The following LPGAT1 variants were observed in gnomAD, a reference collection of about 807,000 sequenced individuals.
LPGAT1 encodes the protein lysophosphatidylglycerol acyltransferase 1.
A neutral mutation model predicts 47.5 loss-of-function variants in LPGAT1; 11 were observed. The observed-to-expected ratio is 0.23, with a 90% CI of 0.15 to 0.38. The LOEUF (loss-of-function observed/expected upper bound fraction) is 0.38. LPGAT1 is among the 10% of genes least tolerant of loss of function. The probability of loss-of-function intolerance (pLI) is 1.00; values close to 1 mark genes in which losing one functional copy is unlikely to be tolerated. For synonymous variants in LPGAT1, 138 were observed against 144.2 expected, an observed-to-expected ratio of 0.96 and a Z score of 0.31; for missense variants, 293 against 439.0, an observed-to-expected ratio of 0.67 and a Z score of 2.97.
intron 2 of LPGAT1, among the ~76,000 whole-genome samples, chr1:211,803,555 A>G (rs1659650927): frequency 6.6e-6 from 1 of 152,132 alleles, no homozygotes; most frequent in South Asian, 2.1e-4. Context: ...ATCATTTCAT[A>G]CCAAAGCAAG....
chr1:211,776,832 AT>A (rs1658424830), intron 6 of LPGAT1, among the ~76,000 whole-genome samples: 1 of 152,006 alleles, frequency 6.6e-6, no homozygotes, highest in African/African-American at 2.4e-5. Context: ...CAAAACTACA[AT>A]TTTTTAGTGA....
At chr1:211,794,635 C>A (rs1272325449) in intron 2 of LPGAT1, among the ~76,000 whole-genome samples, 1 of 152,098 alleles carries the variant, frequency 6.6e-6, no homozygotes, top group Non-Finnish European at 1.5e-5. Context: ...TTATGTCAAG[C>A]CTCAGTTTTC....
At chr1:211,774,694 G>A (rs984655032) in intron 6 of LPGAT1, among the ~76,000 whole-genome samples, 2 of 152,110 alleles carry the variant, frequency 1.3e-5, no homozygotes, top group Admixed American at 1.3e-4. Context: ...AAGTACTTCA[G>A]TAGTATTTTA....
chr1:211,759,647 T>G (rs571094844), intron 6 of LPGAT1, among the ~76,000 whole-genome samples: 6 of 152,364 alleles, frequency 3.9e-5, no homozygotes, highest in African/African-American at 1.4e-4. Context: ...ATTAGCATTC[T>G]AAGGCTATAA....
At chr1:211,798,861 T>C (rs1359457446) in intron 2 of LPGAT1, among the ~76,000 whole-genome samples, 1 of 151,246 alleles carries the variant, frequency 6.6e-6, no homozygotes, top group Non-Finnish European at 1.5e-5. Flanking sequence ...CATGAGAGAG[T>C]GGCTTAAAGT....
At chr1:211,776,310 G>C (rs1658396889) in intron 6 of LPGAT1, among the ~76,000 whole-genome samples, 1 of 152,142 alleles carries the variant, frequency 6.6e-6, no homozygotes, top group African/African-American at 2.4e-5. Flanking sequence ...GCCGAGGCTG[G>C]CAGATCACTT....
At chr1:211,808,060 A>G (rs552062659) in intron 2 of LPGAT1, among the ~76,000 whole-genome samples, 1 of 140,920 alleles carries the variant, frequency 7.1e-6, no homozygotes, top group South Asian at 2.3e-4. Flanking sequence ...AAGGGTTTAT[A>G]TCCCAAGTAT....
chr1:211,788,254 T>C (rs139306143), intron 3 of LPGAT1, among the ~76,000 whole-genome samples: 5 of 152,228 alleles, frequency 3.3e-5, no homozygotes, highest in Non-Finnish European at 7.3e-5. Context: ...TATTAGTTTA[T>C]GTAAAATCAT....
intron 6 of LPGAT1, among the ~76,000 whole-genome samples, chr1:211,760,485 A>G (rs898020137): frequency 2.0e-5 from 3 of 152,114 alleles, no homozygotes; most frequent in African/African-American, 7.2e-5. Flanking sequence ...GAATACAGAT[A>G]TATTGTGTTT....
At chr1:211,772,723 T>C (rs1658224883) in intron 6 of LPGAT1, among the ~76,000 whole-genome samples, 1 of 152,136 alleles carries the variant, frequency 6.6e-6, no homozygotes, top group Non-Finnish European at 1.5e-5. Flanking sequence ...AATTTGGCAA[T>C]TGTCGAGGGG....
chr1:211,822,185 A>G (rs1660385677), intron 2 of LPGAT1, among the ~76,000 whole-genome samples: 2 of 152,334 alleles, frequency 1.3e-5, no homozygotes. Flanking sequence ...TACTACAAAC[A>G]CTACAAATAC....
intron 2 of LPGAT1, among the ~76,000 whole-genome samples, chr1:211,822,434 A>G (rs903760713): frequency 2.0e-5 from 3 of 152,196 alleles, no homozygotes; most frequent in African/African-American, 7.2e-5. Context: ...TATATTTTCC[A>G]TAGAAAAATC....
At chr1:211,795,922 A>G (rs1004769559) in intron 2 of LPGAT1, among the ~76,000 whole-genome samples, 4 of 152,152 alleles carry the variant, frequency 2.6e-5, no homozygotes, top group Non-Finnish European at 5.9e-5. Flanking sequence ...AACTCAAGAA[A>G]AGTCTAGCTT....
chr1:211,805,223 C>T (rs1358062680), intron 2 of LPGAT1, among the ~76,000 whole-genome samples: 1 of 151,920 alleles, frequency 6.6e-6, no homozygotes, highest in East Asian at 1.9e-4. Flanking sequence ...AACCATAAAT[C>T]ACCAATAACA....
intron 2 of LPGAT1, among the ~76,000 whole-genome samples, chr1:211,794,144 T>C (rs1659253174): frequency 6.6e-6 from 1 of 152,212 alleles, no homozygotes; most frequent in Admixed American, 6.5e-5. Context: ...CATTCAGACA[T>C]AATAATGCAT....
chr1:211,812,630 A>T (rs371445228), intron 2 of LPGAT1, among the ~76,000 whole-genome samples: 1 of 152,340 alleles, frequency 6.6e-6, no homozygotes, highest in African/African-American at 2.4e-5. Context: ...TTTATATGAT[A>T]AAAAATGTGA....
chr1:211,761,041 A>G (rs1657678325), intron 6 of LPGAT1, among the ~76,000 whole-genome samples: 1 of 152,124 alleles, frequency 6.6e-6, no homozygotes. Flanking sequence ...GCGCTTTTTT[A>G]ACTATTCACC....
In LPGAT1 at chr1:211,748,475, A is replaced by C. The variant is rs950950512; in HGVS notation, c.*1424T>G. ...CGAGGTGGGCAGATCACCTGAGGTC[A>C]GGAGTTCGAGGCCAGCCTGGCCAAC... On this transcript the variant is annotated 3_prime_UTR_variant, in exon 8 of 8. Coordinates refer to ENST00000366997, the MANE Select transcript of LPGAT1 (RefSeq NM_014873.3). The C allele has an allele frequency of 1.6e-4, 24 of 152,290 alleles. No homozygotes were observed. Among genetic ancestry groups the C allele is most frequent in the African/African-American group, 5.5e-4 (23 of 41,466 alleles). The allele number at this position is 152,290 out of a possible 1,614,324, so 9.4% of individuals were successfully genotyped here. A position where few individuals can be genotyped will look rare whatever the true frequency, so the allele number is the denominator to read the frequency against.
chr1:211,744,306 T>C lies in LPGAT1; in HGVS notation c.*5593A>G, dbSNP rs1157691272. 1 of 152,226 alleles carries C rather than the reference T, an allele frequency of 6.6e-6. No homozygotes were observed. Among genetic ancestry groups the C allele is most frequent in the Non-Finnish European group, 1.5e-5 (1 of 68,030 alleles). 9.4% of individuals were successfully genotyped at this position (152,226 alleles called of 1,614,324 possible). ...CACATTTTAGAATTTTGCCTGCAGTTGTTAAGCATTGGTTATGAAAATTGA... is the reference window on the plus strand; with the variant it reads ...CACATTTTAGAATTTTGCCTGCAGTCGTTAAGCATTGGTTATGAAAATTGA... On this transcript the variant is annotated 3_prime_UTR_variant, in exon 8 of 8. Transcript: ENST00000366997.
Sources: allele counts gnomAD v4.1 joint callset (sites outside exome capture counted in the v4.1 genomes callset), GRCh38; gene constraint gnomAD v4.1.1; transcripts MANE v1.5; gene names NCBI Gene and HGNC (gene_info 2026-07-23, HGNC 2026-07-21).